The following NCALD variants were observed in gnomAD, a reference collection of about 807,000 sequenced individuals.
The protein encoded by NCALD is neurocalcin-delta.
A neutral mutation model predicts 18.6 loss-of-function variants in NCALD; 10 were observed. That is an observed-to-expected ratio of 0.54 (90% CI 0.33 to 0.91). The LOEUF (loss-of-function observed/expected upper bound fraction) is 0.91, where lower values mean the gene tolerates loss of function less well. Ranked by LOEUF, NCALD falls within the 40% of genes least tolerant of loss-of-function variation. NCALD has a pLI of 0.03. For synonymous variants in NCALD, 88 were observed against 87.4 expected, an observed-to-expected ratio of 1.01 and a Z score of -0.04; for missense variants, 184 against 247.6, an observed-to-expected ratio of 0.74 and a Z score of 1.72.
intron 3 of NCALD, among the ~76,000 whole-genome samples, chr8:101,907,766 C>T (rs1817658203): frequency 6.6e-6 from 1 of 152,174 alleles, no homozygotes; most frequent in South Asian, 2.1e-4. Context: ...CAGGCAACTT[C>T]CAAGGAGTCA....
intron 1 of NCALD, among the ~76,000 whole-genome samples, chr8:102,038,228 A>T (rs1822936359): frequency 6.6e-6 from 1 of 152,174 alleles, no homozygotes. Context: ...CCCTAGGAAA[A>T]GGACAAGTGA....
intron 1 of NCALD, among the ~76,000 whole-genome samples, chr8:102,053,712 T>C (rs1027545906): frequency 6.6e-6 from 1 of 152,220 alleles, no homozygotes; most frequent in Admixed American, 6.5e-5. Flanking sequence ...TCTTTTAGGA[T>C]TTCAATGGCC....
chr8:101,981,556 C>T (rs934829615), intron 2 of NCALD, among the ~76,000 whole-genome samples: 34 of 152,164 alleles, frequency 2.2e-4, no homozygotes, highest in African/African-American at 7.7e-4. Context: ...CTGAATTAAA[C>T]AAGTGCAATT....
intron 2 of NCALD, among the ~76,000 whole-genome samples, chr8:101,964,922 ACTT>A (rs1386069092): frequency 6.6e-6 from 1 of 152,176 alleles, no homozygotes; most frequent in Non-Finnish European, 1.5e-5. Context: ...AGGAATGCCC[ACTT>A]CTTCTCAAGC....
intron 4 of NCALD, among the ~76,000 whole-genome samples, chr8:101,796,475 C>G (rs73275549): frequency 1.3e-5 from 2 of 151,762 alleles, no homozygotes; most frequent in East Asian, 1.9e-4. Flanking sequence ...AGAATCCTCA[C>G]GCAAAAATGA....
At chr8:102,009,038 A>G (rs1821814169) in intron 2 of NCALD, among the ~76,000 whole-genome samples, 1 of 152,008 alleles carries the variant, frequency 6.6e-6, no homozygotes, top group Admixed American at 6.6e-5. Context: ...AAAAATAAAA[A>G]AGTGGAGAAG....
intron 4 of NCALD, among the ~76,000 whole-genome samples, chr8:101,813,374 T>C (rs960612487): frequency 6.6e-6 from 1 of 152,004 alleles, no homozygotes; most frequent in African/African-American, 2.4e-5. Context: ...TCCAGAATGC[T>C]AAGAAGAGTA....
chr8:101,959,075 C>A (rs117633302), intron 2 of NCALD, among the ~76,000 whole-genome samples: 1 of 152,044 alleles, frequency 6.6e-6, no homozygotes, highest in Non-Finnish European at 1.5e-5. Context: ...ATCCACTAGT[C>A]CTAACAATGT....
At chr8:101,998,332 A>ATTGCAATGG (rs1821314468) in intron 2 of NCALD, among the ~76,000 whole-genome samples, 1 of 152,178 alleles carries the variant, frequency 6.6e-6, no homozygotes, top group East Asian at 1.9e-4. Flanking sequence ...GGGGGGCTCA[A>ATTGCAATGG]TTGCAATGGG....
Position 101,705,576 on chromosome 8 carries a change from T to C in NCALD, c.379-12680A>G, listed in dbSNP as rs987311575. Among the ~76,000 whole-genome samples, 9 of 152,170 alleles carry C rather than the reference T, an allele frequency of 5.9e-5. 1 individual carries two copies. Among genetic ancestry groups the C allele is most frequent in the African/African-American group, 9.7e-5 (4 of 41,448 alleles). On this transcript the variant is annotated intron_variant, in intron 2 of 3. Coordinates refer to ENST00000220931, the MANE Select transcript of NCALD (RefSeq NM_032041.3). ...GAGGTCTTGGTGAGCCATAGAGACC[T>C]CTGTGACTGCCTGGAGTAGGGGTGG...
At chr8:101,776,748 A>T (rs1333624181) in intron 1 of NCALD, among the ~76,000 whole-genome samples, 1 of 152,196 alleles carries the variant, frequency 6.6e-6, no homozygotes, top group Non-Finnish European at 1.5e-5. Context: ...AAGTATAAGC[A>T]GATGCTTTAA....
At chr8:102,009,899 C>T (rs950700743) in intron 2 of NCALD, among the ~76,000 whole-genome samples, 3 of 152,214 alleles carry the variant, frequency 2.0e-5, no homozygotes, top group Non-Finnish European at 2.9e-5. Flanking sequence ...CTGGTATGTT[C>T]GAGCTGTACA....
At chr8:101,701,792 C>A (rs1018960220) in intron 2 of NCALD, among the ~76,000 whole-genome samples, 1 of 152,226 alleles carries the variant, frequency 6.6e-6, no homozygotes, top group African/African-American at 2.4e-5. Flanking sequence ...AGACTACGGA[C>A]AACAGAAGTT....
chr8:102,113,124 G>A (rs1307025942), intron 1 of NCALD, among the ~76,000 whole-genome samples: 1 of 152,192 alleles, frequency 6.6e-6, no homozygotes, highest in Non-Finnish European at 1.5e-5. Flanking sequence ...GGAGAGAAAA[G>A]GAAAGGTATA....
chr8:101,847,070 GA>G (rs1474281942), intron 4 of NCALD, among the ~76,000 whole-genome samples: 2 of 152,124 alleles, frequency 1.3e-5, no homozygotes, highest in Admixed American at 1.3e-4. Context: ...CTTTCAGCTA[GA>G]AGGGTCCCTG....
intron 3 of NCALD, among the ~76,000 whole-genome samples, chr8:101,911,935 T>C (rs1817815793): frequency 6.6e-6 from 1 of 152,082 alleles, no homozygotes; most frequent in African/African-American, 2.4e-5. Flanking sequence ...AAGCAGAAAC[T>C]TTGCAAATAC....
intron 1 of NCALD, among the ~76,000 whole-genome samples, chr8:102,054,401 A>C (rs1472036186): frequency 6.6e-6 from 1 of 152,188 alleles, no homozygotes; most frequent in Non-Finnish European, 1.5e-5. Context: ...GCACCACTAC[A>C]CAGTATATTC....
chr8:101,858,469 C>A (rs1366530244), intron 4 of NCALD, among the ~76,000 whole-genome samples: 1 of 152,156 alleles, frequency 6.6e-6, no homozygotes, highest in African/African-American at 2.4e-5. Flanking sequence ...CACAGCTAGG[C>A]AACTTCCTCC....
At chr8:101,822,782 G>GC (rs1199779999) in intron 4 of NCALD, among the ~76,000 whole-genome samples, 1 of 152,140 alleles carries the variant, frequency 6.6e-6, no homozygotes, top group African/African-American at 2.4e-5. Context: ...CAGGGTGCTG[G>GC]CCCCCCTCTG....
Sources: allele counts gnomAD v4.1 joint callset (sites outside exome capture counted in the v4.1 genomes callset), GRCh38; gene constraint gnomAD v4.1.1; transcripts MANE v1.5; gene names NCBI Gene and HGNC (gene_info 2026-07-23, HGNC 2026-07-21).